Variants in MAN1A1 observed in about 807,000 individuals in gnomAD.
MAN1A1 encodes the protein mannosidase alpha class 1A member 1.
MAN1A1 carries 29 observed loss-of-function variants against 70.8 expected under a neutral mutation model. That is an observed-to-expected ratio of 0.41 (90% CI 0.31 to 0.56). The LOEUF (loss-of-function observed/expected upper bound fraction) is 0.56. Among genes scored for constraint, MAN1A1 ranks in the 20% least tolerant of loss-of-function variants. The pLI, the probability that MAN1A1 is intolerant of heterozygous loss-of-function variation, is 0.29. For missense variants in MAN1A1, 747 were observed against 841.3 expected (o/e 0.89, Z 1.39); for synonymous variants, 349 against 330.1 (o/e 1.06, Z -0.62).
rs149281586 is a variant in MAN1A1 at position 119,302,082 on chromosome 6, A to C, written c.722T>G (p.Ile241Arg). The C allele has an allele frequency of 4.8e-5, 77 of 1,597,020 alleles. No individual in the cohort carries two copies. The highest frequency in any genetic ancestry group is 6.4e-5 in the Non-Finnish European group (75 of 1,165,878). Residue 241 changes from isoleucine (I) to arginine (R), a missense_variant, in exon 4 of 13, where the codon ATA becomes AGA. Physicochemically the swap from Ile to Arg is moderately conservative, Grantham distance 97 (BLOSUM62 -3). Around this residue, in one of 2 missense-constraint regions of MAN1A1, gnomAD observed 419 missense variants for 548.2 expected, o/e 0.76. Coordinates refer to ENST00000368468, the MANE Select transcript of MAN1A1 (RefSeq NM_005907.4). ...AAAAAGTGTATCCAGGGCATCTACTATAGTTGCTCCTTTGATGTTACCTGA... is the reference window on the plus strand; with the variant it reads ...AAAAAGTGTATCCAGGGCATCTACTCTAGTTGCTCCTTTGATGTTACCTGA... ...SLFGNIKGAT[I>R]VDALDTLFIM...
intron 5 of MAN1A1, among the ~76,000 whole-genome samples, chr6:119,271,896 C>G (rs1296162731): frequency 1.3e-5 from 2 of 152,150 alleles, no homozygotes; most frequent in Non-Finnish European, 2.9e-5. Flanking sequence ...CAGATCACTA[C>G]ATAAAAGTCT....
intron 6 of MAN1A1, among the ~76,000 whole-genome samples, chr6:119,226,626 C>T (rs9489627): frequency 0.42 from 63,700 of 151,980 alleles, 13,827 homozygotes; most frequent in East Asian, 0.67. Context: ...TAGGCATCTA[C>T]CAAGAAGAAT....
At chr6:119,232,679 A>ATGTGTGTGTG (rs78960133) in intron 6 of MAN1A1, among the ~76,000 whole-genome samples, 2 of 143,396 alleles carry the variant, frequency 1.4e-5, no homozygotes, top group African/African-American at 5.2e-5. Flanking sequence ...ACACATATAT[A>ATGTGTGTGTG]TGTGTGTGTG....
At chr6:119,195,489 G>A (rs1773544471) in intron 8 of MAN1A1, among the ~76,000 whole-genome samples, 2 of 152,146 alleles carry the variant, frequency 1.3e-5, no homozygotes, top group Admixed American at 1.3e-4. Context: ...CCTCAAAGGA[G>A]TGTTCTCTGA....
At chr6:119,284,918 C>T (rs1342292904) in intron 5 of MAN1A1, among the ~76,000 whole-genome samples, 4 of 151,950 alleles carry the variant, frequency 2.6e-5, no homozygotes, top group East Asian at 3.9e-4. Context: ...TGTTTTGTGT[C>T]GCTATAAAGG....
At chr6:119,271,656 CA>C (rs67846192) in intron 5 of MAN1A1, among the ~76,000 whole-genome samples, 6,272 of 152,088 alleles carry the variant, frequency 0.041, 145 homozygotes, top group African/African-American at 0.054. Context: ...TGCACCACTA[CA>C]CCTAGCTATT....
rs2114936970 is a variant in MAN1A1, at chr6:119,193,887, C to A, written c.1216G>T (p.Val406Leu). The change falls in exon 9 of 13, where the codon GTA (valine) becomes TTA (leucine). Residue 406 changes from valine to leucine, a missense_variant. Physicochemically the swap from Val to Leu is conservative, Grantham distance 32. Transcript: ENST00000368468. The stretch of plus-strand genomic sequence containing the variant: ...CTGTCTCCAAGTCCTCCAACTGATA[C>A]ATGATCTGGAAAGAGAGGGAAATGA... ...PSSGQWGQHH[V>L]SVGGLGDSFY... 1 of 1,596,556 alleles carries A rather than the reference C, an allele frequency of 6.3e-7. No individual in the cohort carries two copies. The highest frequency in any genetic ancestry group is 8.6e-7 in the Non-Finnish European group (1 of 1,165,196).
At chr6:119,209,256 T>C (rs1773977829) in intron 6 of MAN1A1, among the ~76,000 whole-genome samples, 1 of 152,138 alleles carries the variant, frequency 6.6e-6, no homozygotes, top group African/African-American at 2.4e-5. Context: ...AAGCATTAAA[T>C]AGTTATAAAG....
intron 6 of MAN1A1, among the ~76,000 whole-genome samples, chr6:119,219,687 T>C (rs1774304702): frequency 6.6e-6 from 1 of 151,662 alleles, no homozygotes. Context: ...CAAGTAGTAA[T>C]GAAACAATGT....
At chr6:119,336,635 A>G (rs1369811563) in intron 2 of MAN1A1, among the ~76,000 whole-genome samples, 3 of 152,206 alleles carry the variant, frequency 2.0e-5, no homozygotes, top group Admixed American at 6.5e-5. Flanking sequence ...GAAATAGAAA[A>G]CCAAGCTTCT....
At position 119,195,029 on chromosome 6, in the gene MAN1A1, C is replaced by T. The variant is rs146553593; in HGVS notation, c.1211-1137G>A. On this transcript the variant is annotated intron_variant, in intron 8 of 12. Coordinates refer to ENST00000368468, the MANE Select transcript of MAN1A1 (RefSeq NM_005907.4). ...TGTATTTTTAGTAGAGACGGGGTTT[C>T]ACCATGTTGGCCAGGCTGGTTTTGA... Among the ~76,000 whole-genome samples, 420 of 152,082 alleles carry T rather than the reference C, an allele frequency of 2.8e-3. 4 individuals carry two copies. The highest frequency in any genetic ancestry group is 9.3e-3 in the African/African-American group (387 of 41,482).
chr6:119,335,308 C>A (rs1183482216), intron 2 of MAN1A1, among the ~76,000 whole-genome samples: 1 of 152,168 alleles, frequency 6.6e-6, no homozygotes, highest in Non-Finnish European at 1.5e-5. Flanking sequence ...ATGATACATG[C>A]CAGGCATTGC....
intron 6 of MAN1A1, among the ~76,000 whole-genome samples, chr6:119,240,582 G>A (rs1774977395): frequency 6.6e-6 from 1 of 152,144 alleles, no homozygotes; most frequent in Non-Finnish European, 1.5e-5. Flanking sequence ...TTACCTGAGT[G>A]TTAACTTCAA....
intron 5 of MAN1A1, among the ~76,000 whole-genome samples, chr6:119,250,383 AT>A (rs1372289609): frequency 6.6e-6 from 1 of 152,234 alleles, no homozygotes; most frequent in East Asian, 1.9e-4. Context: ...AAACTGGGCA[AT>A]CTTGTACAAC....
intron 3 of MAN1A1, among the ~76,000 whole-genome samples, chr6:119,303,038 A>C (rs1254115650): frequency 6.6e-6 from 1 of 151,804 alleles, no homozygotes; most frequent in Admixed American, 6.6e-5. Context: ...TTTTCTTTTG[A>C]GACAGGGTCT....
chr6:119,332,148 A>G (rs1196769629), intron 2 of MAN1A1: 2 of 268,014 alleles, frequency 7.5e-6, no homozygotes, highest in Non-Finnish European at 1.5e-5. Context: ...AACAAATGGT[A>G]TCCTGTAGTT....
intron 2 of MAN1A1, among the ~76,000 whole-genome samples, chr6:119,339,337 C>T (rs1773543164): frequency 6.6e-6 from 1 of 152,174 alleles, no homozygotes; most frequent in African/African-American, 2.4e-5. Context: ...ACAAAGCTGT[C>T]TGTCTCAGCA....
chr6:119,326,986 G>C (rs1319969151), intron 2 of MAN1A1, among the ~76,000 whole-genome samples: 1 of 152,202 alleles, frequency 6.6e-6, no homozygotes, highest in Non-Finnish European at 1.5e-5. Flanking sequence ...GTGGTAAGCA[G>C]AGTGAATGAC....
chr6:119,260,418 C>T (rs369980405), intron 5 of MAN1A1, among the ~76,000 whole-genome samples: 1 of 152,332 alleles, frequency 6.6e-6, no homozygotes, highest in Admixed American at 6.5e-5. Context: ...ATATTACAAA[C>T]AGCTTAGAAT....
Sources: gnomAD v4.1 joint callset for allele counts (sites outside exome capture counted in the v4.1 genomes callset) on GRCh38, gnomAD v4.1.1 for gene constraint, gnomAD v4.1.1 regional missense constraint, MANE v1.5 for transcripts, NCBI Gene and HGNC (gene_info 2026-07-23, HGNC 2026-07-21) for gene names.